The following HIVEP2 variants were observed in gnomAD, a reference collection of about 807,000 sequenced individuals.
The protein encoded by HIVEP2 is transcription factor HIVEP2.
HIVEP2 carries 14 observed loss-of-function variants against 180.7 expected under a neutral mutation model. The observed-to-expected ratio is 0.08, with a 90% CI of 0.05 to 0.12. The LOEUF (loss-of-function observed/expected upper bound fraction) is 0.12. Among genes scored for constraint, HIVEP2 ranks in the 10% least tolerant of loss-of-function variants. The pLI, the probability that HIVEP2 is intolerant of heterozygous loss-of-function variation, is 1.00. For missense variants in HIVEP2, 2,579 were observed against 3,008.5 expected, an observed-to-expected ratio of 0.86 and a Z score of 3.34; for synonymous variants, 1,184 against 1,136.4, an observed-to-expected ratio of 1.04 and a Z score of -0.84.
intron 1 of HIVEP2, among the ~76,000 whole-genome samples, chr6:142,905,203 C>CATCT (rs1777233705): frequency 6.6e-6 from 1 of 152,120 alleles, no homozygotes; most frequent in Non-Finnish European, 1.5e-5. Flanking sequence ...ACTGCTCAAC[C>CATCT]ATCTACCAAT....
At chr6:142,889,945 C>T (rs1206729448) in intron 1 of HIVEP2, among the ~76,000 whole-genome samples, 3 of 152,132 alleles carry the variant, frequency 2.0e-5, no homozygotes, top group African/African-American at 4.8e-5. Flanking sequence ...TAGATAACCT[C>T]ATGAGTCTGG....
Position 142,821,097 on chromosome 6 carries a change from T to C in HIVEP2, c.-528+15838A>G, listed in dbSNP as rs73780174. 6.1e-3 allele frequency among the ~76,000 whole-genome samples: 924 copies of C among 152,270 alleles called. 7 individuals carry two copies. Among genetic ancestry groups the C allele is most frequent in the African/African-American group, 0.021 (856 of 41,546 alleles). The stretch of plus-strand genomic sequence containing the variant: ...AATGGAGCCAGAGTCAATCCAAATC[T>C]AGCATTTTGCAGCATTACTAAACTT... On this transcript the variant is annotated intron_variant, in intron 2 of 9. Coordinates refer to ENST00000367603, the MANE Select transcript of HIVEP2 (RefSeq NM_006734.4).
At chr6:142,784,204 C>A (rs1279045117) in intron 2 of HIVEP2, among the ~76,000 whole-genome samples, 4 of 152,138 alleles carry the variant, frequency 2.6e-5, no homozygotes, top group African/African-American at 9.7e-5. Flanking sequence ...ACTACCTAAT[C>A]TGAATAGATT....
At chr6:142,938,489 CATT>C (rs1472946356) in intron 1 of HIVEP2, among the ~76,000 whole-genome samples, 2 of 152,154 alleles carry the variant, frequency 1.3e-5, no homozygotes, top group East Asian at 1.9e-4. Context: ...TGGAATTAGA[CATT>C]AATCTCCATT....
intron 1 of HIVEP2, among the ~76,000 whole-genome samples, chr6:142,926,646 T>G (rs2128436861): frequency 6.6e-6 from 1 of 152,236 alleles, no homozygotes; most frequent in South Asian, 2.1e-4. Context: ...GTCCTCTGAG[T>G]CAGGGAGGTG....
intron 1 of HIVEP2, among the ~76,000 whole-genome samples, chr6:142,872,438 TG>T (rs1776314660): frequency 6.6e-6 from 1 of 152,206 alleles, no homozygotes; most frequent in Admixed American, 6.5e-5. Flanking sequence ...AAATGGACCG[TG>T]ATTTCATAAA....
chr6:142,798,136 G>A (rs1476419988), intron 2 of HIVEP2, among the ~76,000 whole-genome samples: 1 of 151,964 alleles, frequency 6.6e-6, no homozygotes, highest in Non-Finnish European at 1.5e-5. Flanking sequence ...CATGAGTGGA[G>A]ACAGCCTGAT....
At chr6:142,777,401 C>G (rs529651923) in intron 3 of HIVEP2, among the ~76,000 whole-genome samples, 2 of 152,110 alleles carry the variant, frequency 1.3e-5, no homozygotes, top group African/African-American at 4.8e-5. Flanking sequence ...AAAAGAGGAA[C>G]AGTTGATCAA....
At chr6:142,834,366 A>C (rs999482506) in intron 2 of HIVEP2, among the ~76,000 whole-genome samples, 1 of 152,190 alleles carries the variant, frequency 6.6e-6, no homozygotes, top group Non-Finnish European at 1.5e-5. Context: ...AGAAATTACT[A>C]ACAGTAATAA....
chr6:142,836,367 A>G (rs1320278764), intron 2 of HIVEP2, among the ~76,000 whole-genome samples: 1 of 152,146 alleles, frequency 6.6e-6, no homozygotes, highest in Non-Finnish European at 1.5e-5. Flanking sequence ...AATTTGCTAA[A>G]AGCCTAAACT....
chr6:142,842,024 T>C (rs986345431), intron 1 of HIVEP2, among the ~76,000 whole-genome samples: 3 of 152,180 alleles, frequency 2.0e-5, no homozygotes, highest in Non-Finnish European at 4.4e-5. Flanking sequence ...CAAAATGAAA[T>C]TAAAACTGCA....
intron 1 of HIVEP2, among the ~76,000 whole-genome samples, chr6:142,839,802 ACT>A (rs1775317381): frequency 6.6e-6 from 1 of 151,974 alleles, no homozygotes; most frequent in South Asian, 2.1e-4. Context: ...GACCTAAATA[ACT>A]CTTTTAATAG....
At chr6:142,898,863 T>C (rs1777062206) in intron 1 of HIVEP2, among the ~76,000 whole-genome samples, 2 of 152,266 alleles carry the variant, frequency 1.3e-5, no homozygotes, top group South Asian at 4.1e-4. Flanking sequence ...TGACAGTCCA[T>C]CCTGTGCTCA....
chr6:142,769,406 G>A, intron 5 of HIVEP2, 146 bp downstream of exon 5: 1 of 673,252 alleles, frequency 1.5e-6, no homozygotes, highest in Non-Finnish European at 2.5e-6. Context: ...TTCCACTCCT[G>A]AGTAAGGCCA....
chr6:142,940,283 T>C (rs987622978), intron 1 of HIVEP2, among the ~76,000 whole-genome samples: 2 of 152,240 alleles, frequency 1.3e-5, no homozygotes, highest in African/African-American at 2.4e-5. Flanking sequence ...TTATTTGTTA[T>C]TAAAAAAATC....
At chr6:142,848,499 T>C (rs1031344369) in intron 1 of HIVEP2, among the ~76,000 whole-genome samples, 1 of 151,932 alleles carries the variant, frequency 6.6e-6, no homozygotes, top group African/African-American at 2.4e-5. Flanking sequence ...GTGGGAAGAT[T>C]GTCTGAGCCC....
chr6:142,869,985 A>C (rs932268554), intron 1 of HIVEP2, among the ~76,000 whole-genome samples: 28 of 152,086 alleles, frequency 1.8e-4, no homozygotes, highest in African/African-American at 6.5e-4. Context: ...CTTCACAGAG[A>C]TTGAAATGCA....
intron 1 of HIVEP2, among the ~76,000 whole-genome samples, chr6:142,896,780 C>T (rs1048545836): frequency 2.6e-5 from 4 of 152,206 alleles, no homozygotes; most frequent in African/African-American, 9.7e-5. Flanking sequence ...TCTAGCTGCT[C>T]CAGGATTCTG....
chr6:142,816,278 C>G (rs1165654392), intron 2 of HIVEP2, among the ~76,000 whole-genome samples: 2 of 152,200 alleles, frequency 1.3e-5, no homozygotes, highest in Non-Finnish European at 2.9e-5. Context: ...CTCACGAGAG[C>G]CAAGAGTTCA....
Sources: gnomAD v4.1 joint callset for allele counts (sites outside exome capture counted in the v4.1 genomes callset) on GRCh38, gnomAD v4.1.1 for gene constraint, MANE v1.5 for transcripts, NCBI Gene and HGNC (gene_info 2026-07-23, HGNC 2026-07-21) for gene names.